Variants in MRNIP observed in about 807,000 individuals in gnomAD.
MRNIP encodes the protein MRN complex interacting protein.
A neutral mutation model predicts 29.8 loss-of-function variants in MRNIP; 30 were observed. The observed-to-expected ratio is 1.01, with a 90% CI of 0.75 to 1.36. MRNIP has a LOEUF of 1.36. MRNIP is among the 40% of genes most tolerant of loss of function. The probability of loss-of-function intolerance (pLI) is 0.00; values close to 1 mark genes in which losing one functional copy is unlikely to be tolerated. For synonymous variants in MRNIP, 201 were observed against 164.1 expected, an observed-to-expected ratio of 1.23 and a Z score of -1.72; for missense variants, 459 against 423.5, an observed-to-expected ratio of 1.08 and a Z score of -0.74.
chr5:179,850,627 G>A (rs568423666), intron 2 of MRNIP, among the ~76,000 whole-genome samples: 1 of 152,346 alleles, frequency 6.6e-6, no homozygotes, highest in African/African-American at 2.4e-5. Context: ...GTGCAGTCCT[G>A]TTTGGAGCAC....
chr5:179,857,249 T>G (rs945329733), intron 1 of MRNIP, among the ~76,000 whole-genome samples: 9 of 151,506 alleles, frequency 5.9e-5, no homozygotes, highest in African/African-American at 2.2e-4. Context: ...GATCACGAGG[T>G]CAAGAGATGG....
chr5:179,847,288 C>T (rs972696992), intron 3 of MRNIP: 1 of 151,204 alleles, frequency 6.6e-6, no homozygotes, highest in African/African-American at 2.4e-5. Context: ...CTACCTCAGC[C>T]TCCTGAGTAG....
chr5:179,857,319 G>A (rs1173895107), intron 1 of MRNIP, among the ~76,000 whole-genome samples: 2 of 151,986 alleles, frequency 1.3e-5, no homozygotes, highest in Non-Finnish European at 2.9e-5. Flanking sequence ...AAATTAACTG[G>A]GCTTGGTGGC....
intron 6 of MRNIP, chr5:179,839,526 G>A (rs368789913): frequency 6.6e-6 from 1 of 152,260 alleles, no homozygotes; most frequent in Non-Finnish European, 1.5e-5. Flanking sequence ...GGACTGGCCC[G>A]TGGCAGACTC....
chr5:179,854,958 C>T (rs924468877), intron 1 of MRNIP, among the ~76,000 whole-genome samples: 1 of 152,082 alleles, frequency 6.6e-6, no homozygotes, highest in Non-Finnish European at 1.5e-5. Context: ...CTATTATTTA[C>T]CATTTTTTTC....
Position 179,858,712 on chromosome 5 carries a change from G to A in MRNIP, c.66+19C>T, listed in dbSNP as rs750919820. ...GTCCCCGCGCCGGAGGAGGAGGAGG[G>A]GGCTGGCACCCGCCAGACCTGGTGC... On this transcript the variant is annotated intron_variant, in intron 1 of 6. Transcript: ENST00000292586. 6 of 1,464,404 alleles carry A rather than the reference G, an allele frequency of 4.1e-6. No individual in the cohort carries two copies. The highest frequency in any genetic ancestry group is 5.5e-6 in the Non-Finnish European group (6 of 1,091,018). The allele number at this position is 1,464,404 out of a possible 1,614,324, so 90.7% of individuals were successfully genotyped here. A position where few individuals can be genotyped will look rare whatever the true frequency, so the allele number is the denominator to read the frequency against.
chr5:179,851,955 T>C lies in MRNIP; in HGVS notation c.126+1423A>G, dbSNP rs560435754. Among the ~76,000 whole-genome samples the C allele has an allele frequency of 9.3e-5, 14 of 151,300 alleles. 1 individual carries two copies. In the South Asian group the frequency reaches 2.9e-3, roughly 32 times the overall value. On this transcript the variant is annotated intron_variant, in intron 2 of 6. Transcript: ENST00000292586. ...TCGCACCACTGCACTCCAGCCTGAG[T>C]GACAGAGCGAGACTCCGTCTAAAAA...
At chr5:179,857,460 C>T (rs953879549) in intron 1 of MRNIP, among the ~76,000 whole-genome samples, 1 of 151,786 alleles carries the variant, frequency 6.6e-6, no homozygotes, top group Non-Finnish European at 1.5e-5. Flanking sequence ...ACGTGAGACT[C>T]TGTCTCAAAA....
At chr5:179,843,063 G>GGAAGGA (rs1554093130) in intron 4 of MRNIP, among the ~76,000 whole-genome samples, 76 of 103,444 alleles carry the variant, frequency 7.3e-4, no homozygotes, top group Middle Eastern at 4.9e-3. Flanking sequence ...GGAAGGAAGG[G>GGAAGGA]AGGGAGGGAG....
At chr5:179,839,113 TGGTGG>T (rs898866804) in intron 6 of MRNIP, 1 of 151,792 alleles carries the variant, frequency 6.6e-6, no homozygotes, top group Admixed American at 6.6e-5. Context: ...TAGCCAGGCG[TGGTGG>T]CGGGTGCCTG....
At chr5:179,856,617 C>T (rs1161709937) in intron 1 of MRNIP, among the ~76,000 whole-genome samples, 1 of 152,112 alleles carries the variant, frequency 6.6e-6, no homozygotes, top group African/African-American at 2.4e-5. Context: ...ACTACAGATG[C>T]GCGCCACTAC....
intron 2 of MRNIP, chr5:179,851,363 C>T (rs1759359514): frequency 2.2e-6 from 1 of 455,974 alleles, no homozygotes. Flanking sequence ...TGAGACTCAG[C>T]TCTTCCAGTT....
intron 2 of MRNIP, chr5:179,851,499 A>G (rs539702918): frequency 2.2e-6 from 1 of 445,868 alleles, no homozygotes; most frequent in South Asian, 1.6e-5. Context: ...GATGGGCAGG[A>G]AAAGCTGATG....
rs1759500490 is a variant in MRNIP at position 179,854,436 on chromosome 5, A to G, written c.67-999T>C. On this transcript the variant is annotated intron_variant, in intron 1 of 6. Transcript: ENST00000292586. ...GGTACTTTAAAAGTGAGAAAAGAAC[A>G]GACTATTTAACAAGTCCGGGTTGGT... 3.3e-5 allele frequency among the ~76,000 whole-genome samples: 5 copies of G among 152,368 alleles called. No homozygotes were observed. The South Asian group carries it at 1.0e-3, about 32-fold the overall frequency.
intron 1 of MRNIP, among the ~76,000 whole-genome samples, chr5:179,856,765 G>A (rs1360736972): frequency 6.6e-6 from 1 of 152,164 alleles, no homozygotes; most frequent in African/African-American, 2.4e-5. Context: ...GAGCCACCGG[G>A]GCCAAGCAAC....
chr5:179,849,189 A>C (rs1759252233), intron 2 of MRNIP, among the ~76,000 whole-genome samples: 1 of 149,006 alleles, frequency 6.7e-6, no homozygotes, highest in Non-Finnish European at 1.5e-5. Flanking sequence ...TGGCACAGGC[A>C]GATGGTACGA....
chr5:179,837,323 A>G lies in MRNIP; in HGVS notation c.*68T>C, dbSNP rs1418203902. On this transcript the variant is annotated 3_prime_UTR_variant, in exon 7 of 7. Coordinates refer to ENST00000292586, the MANE Select transcript of MRNIP (RefSeq NM_016175.4). ...TAATGGTTCTTACAGAGTATCTTTA[A>G]AAGTGCCTTAGGGGAACCCTGTCCC... The G allele has an allele frequency of 1.1e-5, 18 of 1,589,356 alleles. No homozygotes were observed. Among genetic ancestry groups the G allele is most frequent in the African/African-American group, 2.7e-5 (2 of 74,154 alleles).
intron 1 of MRNIP, among the ~76,000 whole-genome samples, chr5:179,854,418 T>C (rs947219501): frequency 3.3e-5 from 5 of 152,180 alleles, no homozygotes; most frequent in African/African-American, 4.8e-5. Context: ...GGTGGTACTT[T>C]AAAAGTGAGA....
At chr5:179,850,218 G>C (rs560274903) in intron 2 of MRNIP, among the ~76,000 whole-genome samples, 1 of 151,994 alleles carries the variant, frequency 6.6e-6, no homozygotes, top group Non-Finnish European at 1.5e-5. Flanking sequence ...TTGAGAGGAT[G>C]CGTCCTGCTA....
Sources: gnomAD v4.1 joint callset for allele counts (sites outside exome capture counted in the v4.1 genomes callset) on GRCh38, gnomAD v4.1.1 for gene constraint, MANE v1.5 for transcripts, NCBI Gene and HGNC (gene_info 2026-07-23, HGNC 2026-07-21) for gene names.